Variants in CCDC12 observed in about 807,000 individuals in gnomAD.
CCDC12 encodes the protein coiled-coil domain containing 12.
A neutral mutation model predicts 25.7 loss-of-function variants in CCDC12; 28 were observed. That is an observed-to-expected ratio of 1.09 (90% CI 0.81 to 1.50). The LOEUF is 1.50. Among genes scored for constraint, CCDC12 ranks in the 40% most tolerant of loss-of-function variants. The pLI is 0.00. For missense variants in CCDC12, 198 were observed against 210.0 expected, an observed-to-expected ratio of 0.94 and a Z score of 0.35; for synonymous variants, 75 against 87.7, an observed-to-expected ratio of 0.86 and a Z score of 0.81.
intron 2 of CCDC12, among the ~76,000 whole-genome samples, chr3:46,927,470 C>T (rs2107108212): frequency 6.6e-6 from 1 of 152,286 alleles, no homozygotes; most frequent in Non-Finnish European, 1.5e-5. Context: ...GAACTGTACC[C>T]AGAACTCACA....
chr3:46,971,486 T>C lies in CCDC12; in HGVS notation c.96+5151A>G, dbSNP rs140658842. On this transcript the variant is annotated intron_variant, in intron 1 of 6. Transcript: ENST00000683445. ...CACTAATAAGTGGCATCAGGTGGGC[T>C]GACCAGGACGTCTTTGTAAAACTAC... Among the ~76,000 whole-genome samples, 10 of 152,266 alleles carry C rather than the reference T, an allele frequency of 6.6e-5. No homozygotes were observed. In the East Asian group the frequency reaches 1.7e-3, roughly 26 times the overall value.
intron 1 of CCDC12, 87 bp from the exon 2 acceptor site, chr3:46,941,152 C>A (rs1179644791): frequency 3.1e-6 from 4 of 1,306,806 alleles, no homozygotes; most frequent in African/African-American, 1.5e-5. Flanking sequence ...AACAGGACAT[C>A]TCAGAAGGGG....
chr3:46,948,738 C>A (rs1458060631), intron 1 of CCDC12, among the ~76,000 whole-genome samples: 1 of 152,268 alleles, frequency 6.6e-6, no homozygotes, highest in Admixed American at 6.5e-5. Flanking sequence ...CAGGCCACGG[C>A]ATGCCTAGTG....
chr3:46,951,342 A>G (rs1009244744), intron 1 of CCDC12, among the ~76,000 whole-genome samples: 6 of 152,190 alleles, frequency 3.9e-5, no homozygotes, highest in Admixed American at 3.9e-4. Context: ...ATGTATATTC[A>G]AAATTGCTGA....
At chr3:46,971,039 C>T (rs1041598312) in intron 1 of CCDC12, among the ~76,000 whole-genome samples, 1 of 152,256 alleles carries the variant, frequency 6.6e-6, no homozygotes, top group Non-Finnish European at 1.5e-5. Context: ...GCCCCTGTAT[C>T]ACTGCCAAGT....
intron 2 of CCDC12, among the ~76,000 whole-genome samples, chr3:46,939,358 G>C (rs1049666686): frequency 6.6e-6 from 1 of 152,044 alleles, no homozygotes; most frequent in Non-Finnish European, 1.5e-5. Context: ...TCATCGAGGA[G>C]GGGGAGGGGT....
At chr3:46,929,457 C>T (rs1332091913) in intron 2 of CCDC12, among the ~76,000 whole-genome samples, 1 of 152,284 alleles carries the variant, frequency 6.6e-6, no homozygotes, top group African/African-American at 2.4e-5. Context: ...CAGGGTGTGA[C>T]GAGATGGTGC....
At chr3:46,952,703 TA>T (rs1340494090) in intron 1 of CCDC12, among the ~76,000 whole-genome samples, 4 of 152,248 alleles carry the variant, frequency 2.6e-5, no homozygotes, top group African/African-American at 9.6e-5. Context: ...TCTTTGGTAA[TA>T]ACAGTATGCC....
chr3:46,951,033 C>T (rs1230692439), intron 1 of CCDC12, among the ~76,000 whole-genome samples: 2 of 152,000 alleles, frequency 1.3e-5, no homozygotes, highest in African/African-American at 2.4e-5. Flanking sequence ...ACCCAGGAGG[C>T]TGAGGTGGGA....
At chr3:46,972,843 T>C (rs1401453205) in intron 1 of CCDC12, among the ~76,000 whole-genome samples, 1 of 151,760 alleles carries the variant, frequency 6.6e-6, no homozygotes, top group Non-Finnish European at 1.5e-5. Context: ...ACTGGAAGCC[T>C]TGCACACTGC....
In CCDC12 at chr3:46,921,733, C is replaced by G; in HGVS notation, c.*324G>C. 2 of 329,468 alleles carry G rather than the reference C, an allele frequency of 6.1e-6. No homozygotes were observed. The highest frequency in any genetic ancestry group is 1.1e-5 in the Non-Finnish European group (2 of 177,536). The allele number at this position is 329,468 out of a possible 1,614,324, so 20.4% of individuals were successfully genotyped here. Reference sequence around the variant, plus strand: ...TAGGAAATATCTGACACATTTCTGCCACACACAGGGGTTTACTTGTTTCTA... The same window carrying G: ...TAGGAAATATCTGACACATTTCTGCGACACACAGGGGTTTACTTGTTTCTA... On this transcript the variant is annotated 3_prime_UTR_variant, in exon 7 of 7. Transcript: ENST00000683445.
chr3:46,946,312 T>C (rs1336094641), intron 1 of CCDC12, among the ~76,000 whole-genome samples: 1 of 152,274 alleles, frequency 6.6e-6, no homozygotes, highest in Non-Finnish European at 1.5e-5. Flanking sequence ...TGTAACTCTG[T>C]GCCATGAGTA....
intron 1 of CCDC12, among the ~76,000 whole-genome samples, chr3:46,968,626 C>A (rs17079367): frequency 0.027 from 4,175 of 152,280 alleles, 84 homozygotes; most frequent in Non-Finnish European, 0.04. Flanking sequence ...ATTAATGGAG[C>A]AGAGGTTTAA....
intron 2 of CCDC12, among the ~76,000 whole-genome samples, chr3:46,926,575 C>A (rs1319620223): frequency 6.6e-6 from 1 of 152,000 alleles, no homozygotes; most frequent in Non-Finnish European, 1.5e-5. Flanking sequence ...AAATCCTAGC[C>A]CCACACACAC....
intron 1 of CCDC12, among the ~76,000 whole-genome samples, chr3:46,941,294 G>C (rs1469918751): frequency 6.6e-6 from 1 of 152,178 alleles, no homozygotes; most frequent in Non-Finnish European, 1.5e-5. Context: ...TGGGCGCGGT[G>C]GCTCATGCCT....
Position 46,976,719 on chromosome 3 carries a change from G to A in CCDC12, c.14C>T (p.Thr5Met). MEAT[T>M]AGVGRLEEEA... Reference sequence around the variant, plus strand: ...TTCCTCTAGCCGGCCCACACCAGCCGTAGTTGCCTCCATCTTGCCCGCGTA... The same window carrying A: ...TTCCTCTAGCCGGCCCACACCAGCCATAGTTGCCTCCATCTTGCCCGCGTA... The change falls in exon 1 of 7, where the codon ACG (threonine) becomes ATG (methionine). Residue 5 changes from threonine to methionine, a missense_variant. Thr to Met is a moderately conservative substitution (Grantham distance 81). Coordinates refer to ENST00000683445, the MANE Select transcript of CCDC12 (RefSeq NM_001277074.2). 2 of 1,608,614 alleles carry A rather than the reference G, an allele frequency of 1.2e-6. No homozygotes were observed. The highest frequency in any genetic ancestry group is 1.7e-6 in the Non-Finnish European group (2 of 1,177,514).
chr3:46,940,942 GA>G, intron 2 of CCDC12, 55 bp downstream of exon 2: 1 of 1,549,902 alleles, frequency 6.5e-7, no homozygotes, highest in Non-Finnish European at 8.9e-7. Flanking sequence ...CAGAGACTGG[GA>G]GACCGATGAG....
chr3:46,948,845 T>C (rs1342369621), intron 1 of CCDC12, among the ~76,000 whole-genome samples: 1 of 152,188 alleles, frequency 6.6e-6, no homozygotes, highest in Non-Finnish European at 1.5e-5. Flanking sequence ...TCTGATCCTA[T>C]TCTTGCTGCA....
At chr3:46,961,436 GGCTC>G (rs2034461844) in intron 1 of CCDC12, among the ~76,000 whole-genome samples, 2 of 152,296 alleles carry the variant, frequency 1.3e-5, no homozygotes, top group Middle Eastern at 3.4e-3. Flanking sequence ...GAACACCCCT[GGCTC>G]GGTAGGTCCA....
Sources: allele counts gnomAD v4.1 joint callset (sites outside exome capture counted in the v4.1 genomes callset), GRCh38; gene constraint gnomAD v4.1.1; transcripts MANE v1.5; gene names NCBI Gene and HGNC (gene_info 2026-07-23, HGNC 2026-07-21).